Variants in SCAP observed in about 807,000 individuals in gnomAD.
SCAP encodes sterol regulatory element-binding protein cleavage-activating protein.
Under a neutral mutation model 123.6 loss-of-function variants are expected in SCAP, and 65 were observed. The observed-to-expected ratio is 0.53, with a 90% CI of 0.43 to 0.65. The LOEUF (loss-of-function observed/expected upper bound fraction) is 0.65, where lower values mean the gene tolerates loss of function less well. Among genes scored for constraint, SCAP ranks in the 30% least tolerant of loss-of-function variants. SCAP has a pLI of 0.00. For missense variants in SCAP, 1,398 were observed against 1,712.5 expected (o/e 0.82, Z 3.24); for synonymous variants, 740 against 726.3 (o/e 1.02, Z -0.30).
At chr3:47,427,340 C>T (rs879657120) in intron 5 of SCAP, 78 bp from the exon 6 acceptor site, 2 of 1,538,504 alleles carry the variant, frequency 1.3e-6, no homozygotes, top group Non-Finnish European at 1.8e-6. Context: ...TTCTCACCCC[C>T]ACCCTGGGAA....
chr3:47,462,238 C>G (rs1365737459), intron 1 of SCAP, among the ~76,000 whole-genome samples: 1 of 152,108 alleles, frequency 6.6e-6, no homozygotes, highest in Non-Finnish European at 1.5e-5. Context: ...TAAACTGAAA[C>G]CTTTTGTCTT....
At chr3:47,453,494 A>G (rs1037944847) in intron 1 of SCAP, among the ~76,000 whole-genome samples, 1 of 152,130 alleles carries the variant, frequency 6.6e-6, no homozygotes, top group Admixed American at 6.6e-5. Context: ...TGCTTATTAT[A>G]CAGGTACACT....
At position 47,419,230 on chromosome 3, in the gene SCAP, A is replaced by G; in HGVS notation, c.1940+98T>C. ...CACAACCTTATGAACTGTTTTAATTATTTGCATAATTCAAACCTGTGGGCC... is the reference window on the plus strand; with the variant it reads ...CACAACCTTATGAACTGTTTTAATTGTTTGCATAATTCAAACCTGTGGGCC... On this transcript the variant is annotated intron_variant, in intron 13 of 22. Transcript: ENST00000265565. This position sits in a 1 kb window ranked among gnomAD's most constrained non-coding sequence, Gnocchi z 5.0. The G allele has an allele frequency of 7.0e-7, 1 of 1,432,664 alleles. No homozygotes were observed. The highest frequency in any genetic ancestry group is 9.4e-7 in the Non-Finnish European group (1 of 1,059,974). The allele number at this position is 1,432,664 out of a possible 1,614,324, so 88.7% of individuals were successfully genotyped here. A position where few individuals can be genotyped will look rare whatever the true frequency, so the allele number is the denominator to read the frequency against.
chr3:47,454,282 G>T (rs1197722309), intron 1 of SCAP, among the ~76,000 whole-genome samples: 1 of 151,834 alleles, frequency 6.6e-6, no homozygotes, highest in African/African-American at 2.4e-5. Flanking sequence ...CAGGAGAATG[G>T]TGTGAACCCC....
chr3:47,462,834 C>T (rs1447079093), intron 1 of SCAP, among the ~76,000 whole-genome samples: 1 of 151,360 alleles, frequency 6.6e-6, no homozygotes, highest in African/African-American at 2.4e-5. Flanking sequence ...CATGTCCCTA[C>T]TGATGTCCTA....
intron 3 of SCAP, among the ~76,000 whole-genome samples, chr3:47,432,684 T>A (rs1576275881): frequency 6.6e-6 from 1 of 152,326 alleles, no homozygotes; most frequent in East Asian, 1.9e-4. Context: ...TTATTTATTT[T>A]TTATTTTTTT....
intron 1 of SCAP, among the ~76,000 whole-genome samples, chr3:47,454,293 G>C (rs536015854): frequency 6.6e-6 from 1 of 151,886 alleles, no homozygotes; most frequent in South Asian, 2.1e-4. Flanking sequence ...TGTGAACCCC[G>C]GGGGACGGAG....
rs1295799594 is a variant in SCAP, at chr3:47,415,166, C to T, written c.3071G>A (p.Arg1024Gln). ...GAAGAAATCAAGGGAACCGTTGAGC[C>T]GTGCAGCCACAATCCTGGAAGAGAA... ...VFLDKRIVAARLNGSLDFFSL... is the reference protein window; with the variant it reads ...VFLDKRIVAAQLNGSLDFFSL... Residue 1024 changes from arginine (R) to glutamine (Q), a missense_variant, in exon 19 of 23, where the codon CGG (arginine) becomes CAG (glutamine). Physicochemically the swap from Arg to Gln is conservative, Grantham distance 43 (BLOSUM62 1). Coordinates refer to ENST00000265565, the MANE Select transcript of SCAP (RefSeq NM_012235.4). 6.2e-7 allele frequency: 1 copy of T among 1,611,696 alleles called. No individual in the cohort carries two copies. The highest frequency in any genetic ancestry group is 8.5e-7 in the Non-Finnish European group (1 of 1,179,348).
At chr3:47,422,656 G>T in intron 9 of SCAP, 120 bp from the exon 10 acceptor site, 1 of 766,508 alleles carries the variant, frequency 1.3e-6, no homozygotes, top group Non-Finnish European at 2.1e-6. Context: ...CTTTGAAGGA[G>T]CCATTCCACC....
chr3:47,422,475 G>A lies in SCAP; in HGVS notation c.1212C>T (p.Leu404=), dbSNP rs1705945575. 1 of 1,613,746 alleles carries A rather than the reference G, an allele frequency of 6.2e-7. No homozygotes were observed. Among genetic ancestry groups the A allele is most frequent in the South Asian group, 1.1e-5 (1 of 91,076 alleles). The change falls in exon 10 of 23, where the codon CTC becomes CTT. Residue 404 remains leucine, a synonymous_variant. Coordinates refer to ENST00000265565, the MANE Select transcript of SCAP (RefSeq NM_012235.4). ...CGGGCACTAGGGTGAAGTAGCCGAT[G>A]AGGATGATGCCCAGCTCCGTGGCCA... ...KNMATELGII[L]IGYFTLVPAI... is the part of the protein sequence containing the mutation.
intron 1 of SCAP, among the ~76,000 whole-genome samples, chr3:47,461,683 C>A (rs1476742524): frequency 6.6e-6 from 1 of 152,164 alleles, no homozygotes; most frequent in Non-Finnish European, 1.5e-5. Context: ...GGAACATTTC[C>A]ATGACAGAGT....
In SCAP at chr3:47,443,002, G is replaced by A. The variant is rs771297313; in HGVS notation, c.-9C>T. The A allele has an allele frequency of 5.0e-6, 8 of 1,613,148 alleles. No individual in the cohort carries two copies. Among genetic ancestry groups the A allele is most frequent in the South Asian group, 2.2e-5 (2 of 91,014 alleles). On this transcript the variant is annotated 5_prime_UTR_variant, in exon 2 of 23. Transcript: ENST00000265565. ...CTTTCAGTCAGGGTCATCCTCAGCC[G>A]AAGTCACCTTGCTGCCATCCCGGAA...
At chr3:47,447,132 A>G (rs1707073706) in intron 1 of SCAP, among the ~76,000 whole-genome samples, 1 of 152,130 alleles carries the variant, frequency 6.6e-6, no homozygotes, top group South Asian at 2.1e-4. Context: ...GACCAGGCAC[A>G]GTGGCTCACG....
intron 9 of SCAP, among the ~76,000 whole-genome samples, chr3:47,423,120 G>A (rs916690575): frequency 7.9e-5 from 12 of 152,188 alleles, no homozygotes; most frequent in African/African-American, 2.9e-4. Context: ...TATCACAGAG[G>A]CTCACAGAGG....
chr3:47,444,938 A>AT (rs1224886259), intron 1 of SCAP, among the ~76,000 whole-genome samples: 1 of 146,554 alleles, frequency 6.8e-6, no homozygotes, highest in Non-Finnish European at 1.5e-5. Context: ...CACCTGGCTA[A>AT]TTTTTGTATT....
chr3:47,467,569 C>T (rs1030871909), intron 1 of SCAP, among the ~76,000 whole-genome samples: 4 of 151,264 alleles, frequency 2.6e-5, no homozygotes, highest in Non-Finnish European at 5.9e-5. Flanking sequence ...TGCGCCACTG[C>T]AGTCTGGGCA....
Position 47,474,318 on chromosome 3 carries a change from A to C in SCAP, c.-99+1481T>G, listed in dbSNP as rs1708185061. Reference sequence around the variant, plus strand: ...GAGCATTCAAACATCAGATCAGTTCATAATAAATTTAAAAAGCCTAATTCT... The same window carrying C: ...GAGCATTCAAACATCAGATCAGTTCCTAATAAATTTAAAAAGCCTAATTCT... On this transcript the variant is annotated intron_variant, in intron 1 of 22. Transcript: ENST00000265565. Among the ~76,000 whole-genome samples the C allele has an allele frequency of 2.6e-5, 4 of 152,106 alleles. No individual in the cohort carries two copies. In the South Asian group the frequency reaches 8.3e-4, roughly 32 times the overall value.
rs1338644094 is a variant in SCAP at position 47,427,428 on chromosome 3, G to C, written c.631+19C>G. On this transcript the variant is annotated intron_variant, in intron 5 of 22. Coordinates refer to ENST00000265565, the MANE Select transcript of SCAP (RefSeq NM_012235.4). The stretch of plus-strand genomic sequence containing the variant: ...ATGGGCACCTTTACAGGTCTGAAGG[G>C]AACTTGTACTGGGGCTACCTTTGAG... 8.1e-6 allele frequency: 13 copies of C among 1,611,528 alleles called. No individual in the cohort carries two copies. The Admixed American group carries it at 1.5e-4, about 19-fold the overall frequency.
At chr3:47,438,336 A>G in intron 2 of SCAP, among the ~76,000 whole-genome samples, 1 of 152,176 alleles carries the variant, frequency 6.6e-6, no homozygotes, top group Non-Finnish European at 1.5e-5. Context: ...CCATTTATTA[A>G]GTATGTATTA....
Sources: allele counts gnomAD v4.1 joint callset (sites outside exome capture counted in the v4.1 genomes callset), GRCh38; gene constraint gnomAD v4.1.1; non-coding constraint Gnocchi (gnomAD v3.1); transcripts MANE v1.5; gene names NCBI Gene and HGNC (gene_info 2026-07-23, HGNC 2026-07-21).